The following PCDHA6 variants were observed in gnomAD, a reference collection of about 807,000 sequenced individuals.
The protein encoded by PCDHA6 is protocadherin alpha-6.
In PCDHA6, 55 loss-of-function variants were observed where a neutral mutation model predicts 60.3. The ratio of observed to expected loss-of-function variants is 0.91; its 90% confidence interval spans 0.73 to 1.14. PCDHA6 has a LOEUF of 1.14. Ranked by LOEUF, PCDHA6 falls within the 50% of genes most tolerant of loss-of-function variation. The probability of loss-of-function intolerance (pLI) is 0.00; values close to 1 mark genes in which losing one functional copy is unlikely to be tolerated. For synonymous variants in PCDHA6, 652 were observed against 557.9 expected (o/e 1.17, Z -2.38); for missense variants, 1,327 against 1,256.5 (o/e 1.06, Z -0.85).
At chr5:140,834,646 C>G (rs17844305) in intron 1 of PCDHA6, 112,077 of 1,614,172 alleles carry the variant, frequency 0.069, 4,265 homozygotes, top group Admixed American at 0.079. Flanking sequence ...TTTGTGAATT[C>G]TCGGATCGAC....
intron 1 of PCDHA6, chr5:140,855,866 C>T: frequency 2.5e-6 from 2 of 802,280 alleles, no homozygotes; most frequent in Middle Eastern, 2.5e-4. Flanking sequence ...TCGCTGTCGT[C>T]CACAAAATAG....
chr5:140,877,515 G>T (rs371100299), intron 1 of PCDHA6: 1 of 1,613,678 alleles, frequency 6.2e-7, no homozygotes, highest in African/African-American at 1.3e-5. Flanking sequence ...CGTCGTCGCG[G>T]GCCTCAGTGG....
At chr5:140,959,541 C>T (rs2095493793) in intron 1 of PCDHA6, among the ~76,000 whole-genome samples, 1 of 152,002 alleles carries the variant, frequency 6.6e-6, no homozygotes, top group Non-Finnish European at 1.5e-5. Flanking sequence ...TTCAGAGATG[C>T]TGTATAAATA....
At chr5:140,836,644 G>A (rs2150266560) in intron 1 of PCDHA6, 1 of 1,613,528 alleles carries the variant, frequency 6.2e-7, no homozygotes. Flanking sequence ...TCCCAGCAGA[G>A]GCGGCAGAGG....
At chr5:140,940,987 T>A (rs1239979893) in intron 1 of PCDHA6, among the ~76,000 whole-genome samples, 2 of 152,190 alleles carry the variant, frequency 1.3e-5, no homozygotes, top group African/African-American at 4.8e-5. Flanking sequence ...TAGTTACAAG[T>A]TTATAGGATT....
At chr5:140,991,298 A>G (rs555776023) in intron 3 of PCDHA6, among the ~76,000 whole-genome samples, 1 of 152,288 alleles carries the variant, frequency 6.6e-6, no homozygotes, top group Non-Finnish European at 1.5e-5. Context: ...ACACATTACT[A>G]TTATCTTGTC....
At chr5:140,842,027 AATG>A (rs2150327621) in intron 1 of PCDHA6, 1 of 1,613,850 alleles carries the variant, frequency 6.2e-7, no homozygotes, top group East Asian at 2.2e-5. Flanking sequence ...GCTGGATGTG[AATG>A]ATAATGCTCC....
At chr5:140,870,438 C>A in intron 1 of PCDHA6, 1 of 1,614,178 alleles carries the variant, frequency 6.2e-7, no homozygotes, top group Non-Finnish European at 8.5e-7. Context: ...TGGAGGTGGC[C>A]GACGTGAACG....
chr5:140,849,816 G>T lies in PCDHA6; in HGVS notation c.2394+19331G>T, dbSNP rs2150451582. ...GCCTTCACTGTGGGCCACGGCCAGG[G>T]TGTCTGTGGAGGTGGCCGACGTGAA... On this transcript the variant is annotated intron_variant, in intron 1 of 3. Transcript: ENST00000529310. 94 of 1,598,462 alleles carry T rather than the reference G, an allele frequency of 5.9e-5. 8 individuals are homozygous for T. Among genetic ancestry groups the T allele is most frequent in the Admixed American group, 5.1e-5 (3 of 59,318 alleles).
intron 1 of PCDHA6, chr5:140,843,519 G>T (rs2150361744): frequency 6.3e-7 from 1 of 1,595,904 alleles, no homozygotes; most frequent in Non-Finnish European, 8.6e-7. Context: ...GGCGGGTGCC[G>T]GGCGGGCAAG....
At chr5:140,968,580 C>T (rs782395602) in intron 1 of PCDHA6, 1 of 1,614,218 alleles carries the variant, frequency 6.2e-7, no homozygotes, top group Admixed American at 1.7e-5. Context: ...TACCTGGTCA[C>T]CAAAGTCATA....
Position 140,842,803 on chromosome 5 carries a change from T to G in PCDHA6, c.2394+12318T>G, listed in dbSNP as rs141140865. 5,439 of 1,594,064 alleles carry G rather than the reference T, an allele frequency of 3.4e-3. 534 individuals carry two copies. In the African/African-American group the frequency reaches 0.06, roughly 17 times the overall value. On this transcript the variant is annotated intron_variant, in intron 1 of 3. Transcript: ENST00000529310. Reference sequence around the variant, plus strand: ...AGAACGCGCTGGTGTCCTACTCGCTTGTGGAGCGGCGGGTGGGCGAGCGCT... The same window carrying G: ...AGAACGCGCTGGTGTCCTACTCGCTGGTGGAGCGGCGGGTGGGCGAGCGCT...
intron 1 of PCDHA6, among the ~76,000 whole-genome samples, chr5:140,907,719 C>A (rs2153502555): frequency 1.3e-5 from 2 of 152,330 alleles, no homozygotes; most frequent in South Asian, 4.1e-4. Flanking sequence ...CCATGTGTAA[C>A]CTCCATCCCT....
Position 140,843,074 on chromosome 5 carries a change from G to T in PCDHA6, c.2394+12589G>T. On this transcript the variant is annotated intron_variant, in intron 1 of 3. Coordinates refer to ENST00000529310, the MANE Select transcript of PCDHA6 (RefSeq NM_018909.4). ...AGCGAGCAAGCTGGTGCCGCGGTCT[G>T]TGGGCGCGGGCCACGTGGTAGCGAA... is the stretch of plus-strand genomic sequence containing the variant. The T allele has an allele frequency of 3.1e-6, 5 of 1,595,392 alleles. 1 individual carries two copies. Among genetic ancestry groups the T allele is most frequent in the Non-Finnish European group, 4.3e-6 (5 of 1,165,320 alleles).
At chr5:140,980,149 A>G (rs1287895980) in intron 2 of PCDHA6, among the ~76,000 whole-genome samples, 1 of 152,184 alleles carries the variant, frequency 6.6e-6, no homozygotes, top group East Asian at 1.9e-4. Flanking sequence ...ATTCATGCAT[A>G]TACCAGAATA....
intron 1 of PCDHA6, among the ~76,000 whole-genome samples, chr5:140,899,982 A>AT (rs1290251020): frequency 2.0e-5 from 3 of 150,600 alleles, no homozygotes; most frequent in African/African-American, 4.9e-5. Context: ...TACTTTTTTG[A>AT]TTTTTTTTGT....
intron 1 of PCDHA6, among the ~76,000 whole-genome samples, chr5:140,917,823 G>A (rs1167187844): frequency 6.6e-5 from 10 of 151,920 alleles, no homozygotes; most frequent in African/African-American, 1.9e-4. Context: ...AAGTTGGGTA[G>A]TGTGATGTCC....
At chr5:140,992,131 T>C (rs1554252686) in intron 3 of PCDHA6, among the ~76,000 whole-genome samples, 1 of 151,874 alleles carries the variant, frequency 6.6e-6, no homozygotes, top group African/African-American at 2.4e-5. Flanking sequence ...GAACAGTGAC[T>C]GATGATGCTA....
intron 1 of PCDHA6, chr5:140,871,313 C>A (rs371295919): frequency 1.4e-5 from 23 of 1,613,924 alleles, no homozygotes; most frequent in African/African-American, 9.3e-5. Context: ...GGGAAGCCCA[C>A]GCTGGTGTGC....
Sources: allele counts gnomAD v4.1 joint callset (sites outside exome capture counted in the v4.1 genomes callset), GRCh38; gene constraint gnomAD v4.1.1; transcripts MANE v1.5; gene names NCBI Gene and HGNC (gene_info 2026-07-23, HGNC 2026-07-21).